KLHDC10: variants seen among roughly 807,000 people sequenced by gnomAD.
KLHDC10 encodes the protein kelch domain-containing protein 10.
KLHDC10 carries 24 observed loss-of-function variants against 56.1 expected under a neutral mutation model. The observed-to-expected ratio is 0.43, with a 90% CI of 0.31 to 0.60. KLHDC10 has a LOEUF of 0.60. Ranked by LOEUF, KLHDC10 falls within the 20% of genes least tolerant of loss-of-function variation. The pLI, the probability that KLHDC10 is intolerant of heterozygous loss-of-function variation, is 0.11. For missense variants in KLHDC10, 349 were observed against 567.0 expected (o/e 0.62, Z 3.91); for synonymous variants, 188 against 207.1 (o/e 0.91, Z 0.79).
chr7:130,133,489 C>A lies in KLHDC10; in HGVS notation c.*2743C>A, dbSNP rs1009366861. 6.6e-6 allele frequency: 1 copy of A among 152,154 alleles called. No individual in the cohort carries two copies. The highest frequency in any genetic ancestry group is 6.6e-5 in the Admixed American group (1 of 15,264). The allele number at this position is 152,154 out of a possible 1,614,324, so 9.4% of individuals were successfully genotyped here. A position where few individuals can be genotyped will look rare whatever the true frequency, so the allele number is the denominator to read the frequency against. ...GGAAGTGAGCTCATTACTTTAGGTT[C>A]AAATTATGCCAAGAATTTTAGATGT... On this transcript the variant is annotated 3_prime_UTR_variant, in exon 10 of 10. Transcript: ENST00000335420.
chr7:130,128,889 A>AAAAAAAAAAAATATATATATATATAT, intron 8 of KLHDC10, among the ~76,000 whole-genome samples: 7 of 66,948 alleles, frequency 1.0e-4, no homozygotes, highest in Non-Finnish European at 1.9e-4. Flanking sequence ...AAAAAAAAAA[A>AAAAAAAAAAAATATATATATATATAT]ATATATATAT....
intron 1 of KLHDC10, among the ~76,000 whole-genome samples, chr7:130,088,948 A>G (rs1466371166): frequency 6.6e-6 from 1 of 151,942 alleles, no homozygotes; most frequent in Non-Finnish European, 1.5e-5. Flanking sequence ...TTATTTTTCT[A>G]AGTGAAGTTT....
At chr7:130,077,531 C>T (rs1218283668) in intron 1 of KLHDC10, among the ~76,000 whole-genome samples, 2 of 148,168 alleles carry the variant, frequency 1.3e-5, no homozygotes, top group East Asian at 3.9e-4. Flanking sequence ...GGGGTTTCTA[C>T]TACTTTCTTT....
intron 1 of KLHDC10, among the ~76,000 whole-genome samples, chr7:130,093,198 A>AATTATT (rs146301315): frequency 2.0e-5 from 3 of 151,498 alleles, no homozygotes; most frequent in East Asian, 2.0e-4. Context: ...TTATTGAAGA[A>AATTATT]ATTATTATTA....
chr7:130,124,323 G>A, intron 5 of KLHDC10, 128 bp from the exon 6 acceptor site: 1 of 605,168 alleles, frequency 1.7e-6, no homozygotes, highest in East Asian at 2.8e-5. Flanking sequence ...ATTCACTATT[G>A]TTAAACGCCT....
At chr7:130,087,818 T>C (rs1795712651) in intron 1 of KLHDC10, among the ~76,000 whole-genome samples, 1 of 151,304 alleles carries the variant, frequency 6.6e-6, no homozygotes, top group African/African-American at 2.4e-5. Context: ...TGGAGTGCAA[T>C]GGTACAGTAT....
chr7:130,082,531 G>C (rs1176308996), intron 1 of KLHDC10, among the ~76,000 whole-genome samples: 3 of 152,050 alleles, frequency 2.0e-5, no homozygotes, highest in Non-Finnish European at 2.9e-5. Context: ...TACTCACAAG[G>C]CTTGCTTATG....
chr7:130,116,943 TAGA>T lies in KLHDC10; in HGVS notation c.475+280_475+282del, dbSNP rs1213882887. 6.6e-6 allele frequency among the ~76,000 whole-genome samples: 1 copy of T among 152,100 alleles called. No individual in the cohort carries two copies. The highest frequency in any genetic ancestry group is 1.5e-5 in the Non-Finnish European group (1 of 68,008). ...GGGTTCAATATAAAGTATCACGCAG[TAGA>T]AGGTCAACAAATGGGGCTTATGACG... On this transcript the variant is annotated intron_variant, in intron 3 of 9. Transcript: ENST00000335420. This position sits in a 1 kb window ranked among gnomAD's most constrained non-coding sequence, Gnocchi z 4.8.
At chr7:130,119,739 G>A (rs570162660) in intron 3 of KLHDC10, among the ~76,000 whole-genome samples, 5 of 151,614 alleles carry the variant, frequency 3.3e-5, no homozygotes, top group African/African-American at 1.2e-4. Context: ...AGCTACTAGG[G>A]AGGCTGAGGC....
chr7:130,092,979 G>A (rs1364422814), intron 1 of KLHDC10, among the ~76,000 whole-genome samples: 1 of 150,220 alleles, frequency 6.7e-6, no homozygotes, highest in Non-Finnish European at 1.5e-5. Context: ...TCCACTAAGG[G>A]CATTTCTTGT....
intron 2 of KLHDC10, among the ~76,000 whole-genome samples, chr7:130,098,904 T>C (rs187685390): frequency 1.3e-5 from 2 of 152,316 alleles, no homozygotes; most frequent in African/African-American, 4.8e-5. Context: ...TTTTATACCA[T>C]TGGTTATTTG....
intron 9 of KLHDC10, 135 bp downstream of exon 9, chr7:130,129,711 C>A: frequency 1.4e-6 from 1 of 738,818 alleles, no homozygotes; most frequent in Non-Finnish European, 2.1e-6. Context: ...AACTTCCTTC[C>A]AAAGCTAGGC....
intron 1 of KLHDC10, among the ~76,000 whole-genome samples, chr7:130,086,698 G>GA (rs1391431330): frequency 6.6e-6 from 1 of 152,196 alleles, no homozygotes; most frequent in Non-Finnish European, 1.5e-5. Context: ...CTTCATGGCT[G>GA]AAAGTATTGT....
Position 130,130,378 on chromosome 7 carries a change from A to C in KLHDC10, c.1120-159A>C, listed in dbSNP as rs1796384123. Among the ~76,000 whole-genome samples the C allele has an allele frequency of 6.7e-6, 1 of 148,962 alleles. No individual in the cohort carries two copies. The highest frequency in any genetic ancestry group is 1.5e-5 in the Non-Finnish European group (1 of 67,730). ...TAGTTTTTCCCTTAGTAATTCATTAATTATTTAAACCCTCTTGATCTCCAC... is the reference window on the plus strand; with the variant it reads ...TAGTTTTTCCCTTAGTAATTCATTACTTATTTAAACCCTCTTGATCTCCAC... On this transcript the variant is annotated intron_variant, in intron 9 of 9. Transcript: ENST00000335420. The surrounding 1 kb of genome is among the most constrained non-coding windows in gnomAD (Gnocchi z 4.2).
intron 8 of KLHDC10, among the ~76,000 whole-genome samples, chr7:130,128,024 G>C (rs1796335413): frequency 6.6e-6 from 1 of 152,196 alleles, no homozygotes; most frequent in East Asian, 1.9e-4. Context: ...TTCATCGTCT[G>C]ATATAGCTCT....
chr7:130,104,427 CAG>C (rs1276581066), intron 2 of KLHDC10, among the ~76,000 whole-genome samples: 2 of 152,090 alleles, frequency 1.3e-5, no homozygotes, highest in African/African-American at 2.4e-5. Flanking sequence ...TCAAATAATA[CAG>C]AAATACATAG....
At chr7:130,081,508 A>G (rs981302772) in intron 1 of KLHDC10, among the ~76,000 whole-genome samples, 1 of 150,874 alleles carries the variant, frequency 6.6e-6, no homozygotes, top group African/African-American at 2.4e-5. Flanking sequence ...TAGTAGAGAC[A>G]GGGTTTCACC....
Position 130,129,782 on chromosome 7 carries a change from G to A in KLHDC10, c.1119+206G>A, listed in dbSNP as rs148556002. ...CCAAATTTGAGAGAATAACATAAATGTAAGAGAAATGCTACCTGTGGCATT... is the reference window on the plus strand; with the variant it reads ...CCAAATTTGAGAGAATAACATAAATATAAGAGAAATGCTACCTGTGGCATT... On this transcript the variant is annotated intron_variant, in intron 9 of 9. Coordinates refer to ENST00000335420, the MANE Select transcript of KLHDC10 (RefSeq NM_014997.4). 1.4e-4 allele frequency among the ~76,000 whole-genome samples: 22 copies of A among 152,238 alleles called. 1 individual carries two copies. In the East Asian group the frequency reaches 4.2e-3, roughly 29 times the overall value.
At position 130,120,162 on chromosome 7, in the gene KLHDC10, G is replaced by A. The variant is rs1229103533; in HGVS notation, c.476-587G>A. Reference sequence around the variant, plus strand: ...TGAGTCCCCTTGGGTCTTTGCTAACGCAAAGATGATACTTCATTTTTCTCT... The same window carrying A: ...TGAGTCCCCTTGGGTCTTTGCTAACACAAAGATGATACTTCATTTTTCTCT... On this transcript the variant is annotated intron_variant, in intron 3 of 9. Transcript: ENST00000335420. This position sits in a 1 kb window ranked among gnomAD's most constrained non-coding sequence, Gnocchi z 5.1. Among the ~76,000 whole-genome samples, 1 of 152,158 alleles carries A rather than the reference G, an allele frequency of 6.6e-6. No homozygotes were observed. Among genetic ancestry groups the A allele is most frequent in the African/African-American group, 2.4e-5 (1 of 41,434 alleles).
Sources: gnomAD v4.1 joint callset for allele counts (sites outside exome capture counted in the v4.1 genomes callset) on GRCh38, gnomAD v4.1.1 for gene constraint, Gnocchi (gnomAD v3.1) non-coding constraint, MANE v1.5 for transcripts, NCBI Gene and HGNC (gene_info 2026-07-23, HGNC 2026-07-21) for gene names.